NRG3: variants seen among roughly 807,000 people sequenced by gnomAD.
The protein encoded by NRG3 is neuregulin 3.
In NRG3, 31 loss-of-function variants were observed where a neutral mutation model predicts 66.9. The ratio of observed to expected loss-of-function variants is 0.46; its 90% confidence interval spans 0.35 to 0.63. The LOEUF is 0.63. Ranked by LOEUF, NRG3 falls within the 20% of genes least tolerant of loss-of-function variation. The pLI, the probability that NRG3 is intolerant of heterozygous loss-of-function variation, is 0.00. For synonymous variants in NRG3, 393 were observed against 359.4 expected (o/e 1.09, Z -1.06); for missense variants, 910 against 878.9 (o/e 1.04, Z -0.45).
At position 82,957,184 on chromosome 10, in the gene NRG3, A is replaced by G. The variant is rs74398931; in HGVS notation, c.1158-1765A>G. Among the ~76,000 whole-genome samples, 325 of 152,078 alleles carry G rather than the reference A, an allele frequency of 2.1e-3. 7 individuals are homozygous for G. The highest frequency in any genetic ancestry group is 7.6e-3 in the African/African-American group (314 of 41,320). ...ATGAACATTTTGCGTGTGCCTCCAC[A>G]TGCAGCCACCACAGTGTCCGTGGAA... is the stretch of plus-strand genomic sequence containing the variant. On this transcript the variant is annotated intron_variant, in intron 5 of 8. Transcript: ENST00000372141.
At chr10:82,780,739 G>A (rs1325710224) in intron 3 of NRG3, among the ~76,000 whole-genome samples, 1 of 152,048 alleles carries the variant, frequency 6.6e-6, no homozygotes, top group Non-Finnish European at 1.5e-5. Flanking sequence ...ATTCTATTAG[G>A]TCTTTTGCTA....
intron 1 of NRG3, among the ~76,000 whole-genome samples, chr10:82,265,641 A>G (rs2078258313): frequency 6.6e-6 from 1 of 152,204 alleles, no homozygotes; most frequent in Non-Finnish European, 1.5e-5. Flanking sequence ...TGGCTGGTTA[A>G]CAAACTGAGA....
At chr10:82,955,434 C>T (rs1849949919) in intron 5 of NRG3, among the ~76,000 whole-genome samples, 1 of 151,880 alleles carries the variant, frequency 6.6e-6, no homozygotes, top group Non-Finnish European at 1.5e-5. Flanking sequence ...CACGCAATGA[C>T]TGTAAATTAT....
At chr10:82,865,747 T>G (rs474292) in intron 4 of NRG3, among the ~76,000 whole-genome samples, 1 of 151,996 alleles carries the variant, frequency 6.6e-6, no homozygotes, top group Non-Finnish European at 1.5e-5. Context: ...TAATAATAGG[T>G]TCTATTTTCC....
At chr10:82,534,696 A>T (rs1177955230) in intron 2 of NRG3, among the ~76,000 whole-genome samples, 1 of 152,234 alleles carries the variant, frequency 6.6e-6, no homozygotes, top group Admixed American at 6.5e-5. Flanking sequence ...TACAGTAATC[A>T]AAAGAGTGTG....
At chr10:82,094,229 G>C (rs1220275849) in intron 1 of NRG3, among the ~76,000 whole-genome samples, 1 of 152,152 alleles carries the variant, frequency 6.6e-6, no homozygotes, top group Admixed American at 6.5e-5. Flanking sequence ...GTATGTTTGT[G>C]ATGGCCTTAT....
intron 1 of NRG3, among the ~76,000 whole-genome samples, chr10:81,995,065 TC>T (rs1306811236): frequency 3.9e-5 from 6 of 152,186 alleles, no homozygotes; most frequent in African/African-American, 4.8e-5. Flanking sequence ...TTTGTCTTGA[TC>T]CTGCTGAATG....
At chr10:82,100,100 T>C (rs2066634883) in intron 1 of NRG3, among the ~76,000 whole-genome samples, 1 of 152,008 alleles carries the variant, frequency 6.6e-6, no homozygotes, top group Admixed American at 6.6e-5. Flanking sequence ...CAATATTTTG[T>C]CACTTCCAGA....
chr10:82,852,946 C>G (rs1212896507), intron 3 of NRG3, among the ~76,000 whole-genome samples: 1 of 152,096 alleles, frequency 6.6e-6, no homozygotes, highest in Non-Finnish European at 1.5e-5. Context: ...GCAGTCAACC[C>G]TTCCTGATTT....
chr10:82,072,889 T>C (rs1437014946), intron 1 of NRG3, among the ~76,000 whole-genome samples: 3 of 152,036 alleles, frequency 2.0e-5, no homozygotes, highest in African/African-American at 7.2e-5. Context: ...TCCTCAGCCT[T>C]CTGAGTAGCT....
intron 1 of NRG3, among the ~76,000 whole-genome samples, chr10:82,188,379 A>T (rs2073935056): frequency 6.6e-6 from 1 of 152,162 alleles, no homozygotes. Flanking sequence ...TGCGGAAAAT[A>T]TCTAGGACAT....
At chr10:81,940,980 C>T (rs1346896442) in intron 1 of NRG3, among the ~76,000 whole-genome samples, 2 of 152,008 alleles carry the variant, frequency 1.3e-5, no homozygotes, top group Non-Finnish European at 2.9e-5. Flanking sequence ...TATGAAGTTA[C>T]AATAGATATA....
chr10:82,473,160 T>C (rs1021771099), intron 2 of NRG3, among the ~76,000 whole-genome samples: 1 of 152,210 alleles, frequency 6.6e-6, no homozygotes, highest in South Asian at 2.1e-4. Context: ...GTGATGTCTG[T>C]GCGCACCAGC....
chr10:82,316,171 A>G (rs985269103), intron 1 of NRG3, among the ~76,000 whole-genome samples: 1 of 152,114 alleles, frequency 6.6e-6, no homozygotes, highest in East Asian at 1.9e-4. Flanking sequence ...AGTGCATTGC[A>G]TTTTTACTTT....
chr10:82,196,971 A>G (rs2074483310), intron 1 of NRG3, among the ~76,000 whole-genome samples: 1 of 152,208 alleles, frequency 6.6e-6, no homozygotes, highest in South Asian at 2.1e-4. Flanking sequence ...TCTCAACACA[A>G]TTCTCTGAGT....
intron 4 of NRG3, among the ~76,000 whole-genome samples, chr10:82,901,619 G>A (rs1844229796): frequency 6.6e-6 from 1 of 152,148 alleles, no homozygotes; most frequent in African/African-American, 2.4e-5. Context: ...ATTCCCTGTA[G>A]CCAATAGCCA....
chr10:81,922,634 T>C (rs1280771359), intron 1 of NRG3, among the ~76,000 whole-genome samples: 2 of 152,174 alleles, frequency 1.3e-5, no homozygotes, highest in Non-Finnish European at 2.9e-5. Context: ...TAAAAATTTG[T>C]CTTTAGTTTT....
intron 1 of NRG3, among the ~76,000 whole-genome samples, chr10:81,928,902 A>G (rs1265447842): frequency 1.3e-5 from 2 of 152,116 alleles, no homozygotes; most frequent in African/African-American, 4.8e-5. Context: ...GCTCACTGCA[A>G]CCTGGCCCTC....
chr10:82,713,168 G>A (rs1481496559), intron 2 of NRG3, among the ~76,000 whole-genome samples: 1 of 150,750 alleles, frequency 6.6e-6, no homozygotes, highest in Non-Finnish European at 1.5e-5. Context: ...CAGGCAAGAG[G>A]GCTAATGGGA....
Sources: allele counts gnomAD v4.1 joint callset (sites outside exome capture counted in the v4.1 genomes callset), GRCh38; gene constraint gnomAD v4.1.1; transcripts MANE v1.5; gene names NCBI Gene and HGNC (gene_info 2026-07-23, HGNC 2026-07-21).